The following SNX7 variants were observed in gnomAD, a reference collection of about 807,000 sequenced individuals.
The protein encoded by SNX7 is sorting nexin 7.
SNX7 carries 35 observed loss-of-function variants against 48.4 expected under a neutral mutation model. The ratio of observed to expected loss-of-function variants is 0.72; its 90% CI spans 0.55 to 0.96. The LOEUF (loss-of-function observed/expected upper bound fraction) is 0.96. Among genes scored for constraint, SNX7 ranks in the 40% least tolerant of loss-of-function variants. SNX7 has a pLI of 0.00. For synonymous variants in SNX7, 190 were observed against 190.2 expected (o/e 1.00, Z 0.01); for missense variants, 553 against 548.9 (o/e 1.01, Z -0.07).
intron 1 of SNX7, chr1:98,662,380 T>A (rs1478987179): frequency 5.7e-6 from 1 of 174,218 alleles, no homozygotes; most frequent in Non-Finnish European, 1.2e-5. Flanking sequence ...ATTTGAGACT[T>A]GGGTGAGTCT....
intron 7 of SNX7, among the ~76,000 whole-genome samples, chr1:98,725,798 A>C (rs2101014582): frequency 6.6e-6 from 1 of 152,310 alleles, no homozygotes; most frequent in South Asian, 2.1e-4. Flanking sequence ...TGGCAACCTA[A>C]GTTTCTAAAA....
At chr1:98,740,139 T>G (rs1458130563) in intron 8 of SNX7, among the ~76,000 whole-genome samples, 1 of 152,198 alleles carries the variant, frequency 6.6e-6, no homozygotes, top group Non-Finnish European at 1.5e-5. Flanking sequence ...CTCTCCATAA[T>G]TTTTTATTCT....
chr1:98,729,162 G>T (rs1275639650), intron 7 of SNX7, among the ~76,000 whole-genome samples: 1 of 152,116 alleles, frequency 6.6e-6, no homozygotes, highest in Non-Finnish European at 1.5e-5. Context: ...CAACTATATG[G>T]AAACTGAACA....
At chr1:98,692,641 G>A (rs1396332839) in intron 4 of SNX7, among the ~76,000 whole-genome samples, 4 of 152,086 alleles carry the variant, frequency 2.6e-5, no homozygotes, top group East Asian at 1.9e-4. Context: ...GATGATCAGC[G>A]TCACATGGCA....
At chr1:98,691,937 A>ACACACACTCTCTCTCTCT (rs376006567) in intron 4 of SNX7, among the ~76,000 whole-genome samples, 49 of 131,170 alleles carry the variant, frequency 3.7e-4, no homozygotes, top group Admixed American at 1.0e-3. Context: ...ACACACACAC[A>ACACACACTCTCTCTCTCT]CTCTCTCTCT....
chr1:98,758,167 A>G (rs1489955367), intron 8 of SNX7, among the ~76,000 whole-genome samples: 2 of 152,050 alleles, frequency 1.3e-5, no homozygotes, highest in Non-Finnish European at 2.9e-5. Flanking sequence ...TCTACCCTCC[A>G]TGCCCCCCAA....
intron 1 of SNX7, among the ~76,000 whole-genome samples, chr1:98,664,535 A>G (rs1359470680): frequency 6.6e-6 from 1 of 152,190 alleles, no homozygotes; most frequent in Non-Finnish European, 1.5e-5. Context: ...GTCTCAAAAG[A>G]AAAACAAAAC....
chr1:98,728,124 G>C (rs962565610), intron 7 of SNX7, among the ~76,000 whole-genome samples: 21 of 152,244 alleles, frequency 1.4e-4, no homozygotes, highest in Middle Eastern at 3.4e-3. Flanking sequence ...AAAATGTTAA[G>C]AGCAGCCAGA....
chr1:98,738,401 T>A lies in SNX7; in HGVS notation c.1278+12T>A. On this transcript the variant is annotated intron_variant, in intron 8 of 8. Coordinates refer to ENST00000306121, the MANE Select transcript of SNX7 (RefSeq NM_015976.5). ...ATTATTATGAACAGGTAATTAGTGT[T>A]GTTTGATATTGCTTCATTTTAAAGT... The A allele has an allele frequency of 6.2e-7, 1 of 1,609,972 alleles. No homozygotes were observed. The highest frequency in any genetic ancestry group is 1.1e-5 in the South Asian group (1 of 90,724).
At chr1:98,704,214 A>G (rs1217196182) in intron 7 of SNX7, among the ~76,000 whole-genome samples, 1 of 152,150 alleles carries the variant, frequency 6.6e-6, no homozygotes, top group Non-Finnish European at 1.5e-5. Context: ...TGTCTACTCT[A>G]AAGTGTTTAA....
At chr1:98,711,545 T>C (rs1652306664) in intron 7 of SNX7, among the ~76,000 whole-genome samples, 1 of 152,212 alleles carries the variant, frequency 6.6e-6, no homozygotes, top group African/African-American at 2.4e-5. Context: ...CTATTAAATA[T>C]GCCATAGCAT....
At chr1:98,746,753 G>A (rs765929156) in intron 8 of SNX7, among the ~76,000 whole-genome samples, 5 of 152,082 alleles carry the variant, frequency 3.3e-5, no homozygotes, top group Admixed American at 6.6e-5. Flanking sequence ...ACTTTTCACT[G>A]ATGTATAGAT....
intron 7 of SNX7, among the ~76,000 whole-genome samples, chr1:98,718,336 A>G (rs903467040): frequency 1.2e-4 from 19 of 152,102 alleles, no homozygotes; most frequent in Non-Finnish European, 7.4e-5. Flanking sequence ...TTATCATCTA[A>G]CACTTTTATT....
intron 7 of SNX7, among the ~76,000 whole-genome samples, chr1:98,736,214 A>G (rs930056657): frequency 6.6e-6 from 1 of 152,178 alleles, no homozygotes; most frequent in African/African-American, 2.4e-5. Context: ...ATTCTATGCC[A>G]TTGCATGGCA....
chr1:98,672,017 G>A (rs1649895681), intron 1 of SNX7, among the ~76,000 whole-genome samples: 1 of 152,108 alleles, frequency 6.6e-6, no homozygotes, highest in Non-Finnish European at 1.5e-5. Context: ...TATGAATCTT[G>A]AAAATTAGAA....
intron 7 of SNX7, among the ~76,000 whole-genome samples, chr1:98,719,383 C>T (rs1254692663): frequency 6.6e-6 from 1 of 152,090 alleles, no homozygotes; most frequent in Non-Finnish European, 1.5e-5. Flanking sequence ...GATATCAAAC[C>T]GTTGAATTGT....
intron 8 of SNX7, among the ~76,000 whole-genome samples, chr1:98,747,390 C>T (rs184290554): frequency 2.0e-5 from 3 of 152,256 alleles, no homozygotes; most frequent in Non-Finnish European, 2.9e-5. Context: ...AGCAATTAGA[C>T]ATTGCCAAGA....
chr1:98,743,694 CT>C (rs1654183691), intron 8 of SNX7, among the ~76,000 whole-genome samples: 3 of 152,020 alleles, frequency 2.0e-5, no homozygotes, highest in Admixed American at 6.6e-5. Flanking sequence ...CCAGAAGGTT[CT>C]TCAAGTGTAG....
At chr1:98,718,507 C>T (rs1652702479) in intron 7 of SNX7, among the ~76,000 whole-genome samples, 1 of 152,006 alleles carries the variant, frequency 6.6e-6, no homozygotes, top group Non-Finnish European at 1.5e-5. Flanking sequence ...TTCATTCATC[C>T]CGTAAGATAT....
Sources: allele counts gnomAD v4.1 joint callset (sites outside exome capture counted in the v4.1 genomes callset), GRCh38; gene constraint gnomAD v4.1.1; transcripts MANE v1.5; gene names NCBI Gene and HGNC (gene_info 2026-07-23, HGNC 2026-07-21).